ACSBG1: variants seen among roughly 807,000 people sequenced by gnomAD.
ACSBG1 encodes the protein acyl-CoA synthetase bubblegum family member 1, also known as long-chain-fatty-acid--CoA ligase ACSBG1.
In ACSBG1, 39 loss-of-function variants were observed where a neutral mutation model predicts 80.2. The ratio of observed to expected loss-of-function variants is 0.49; its 90% CI spans 0.38 to 0.64. ACSBG1 has a LOEUF of 0.64. Among genes scored for constraint, ACSBG1 ranks in the 30% least tolerant of loss-of-function variants. The pLI is 0.00. For synonymous variants in ACSBG1, 392 were observed against 379.5 expected (o/e 1.03, Z -0.38); for missense variants, 828 against 966.4 (o/e 0.86, Z 1.90).
At position 78,178,565 on chromosome 15, in the gene ACSBG1, G is replaced by A. The variant is rs779121025; in HGVS notation, c.1702+49C>T. ...AATCTGCCCGCCTTGGCCTCCCAAA[G>A]TGCTGGGATTACAGGCATGAGCCAC... On this transcript the variant is annotated intron_variant, in intron 11 of 13. Coordinates refer to ENST00000258873, the MANE Select transcript of ACSBG1 (RefSeq NM_015162.5). This position sits in a 1 kb window ranked among gnomAD's most constrained non-coding sequence, Gnocchi z 4.3. 6.4e-7 allele frequency: 1 copy of A among 1,554,110 alleles called. No homozygotes were observed. The highest frequency in any genetic ancestry group is 2.3e-5 in the East Asian group (1 of 44,292).
At chr15:78,217,529 C>T (rs2075321875) in intron 1 of ACSBG1, among the ~76,000 whole-genome samples, 1 of 152,038 alleles carries the variant, frequency 6.6e-6, no homozygotes, top group Non-Finnish European at 1.5e-5. Context: ...CTCTAAACCC[C>T]TGCATCCACC....
chr15:78,208,847 G>GCC (rs1213816581), intron 1 of ACSBG1, among the ~76,000 whole-genome samples: 7 of 152,204 alleles, frequency 4.6e-5, no homozygotes, highest in Non-Finnish European at 1.0e-4. Context: ...CAGCCTGACT[G>GCC]CCCTTCAGCA....
intron 1 of ACSBG1, among the ~76,000 whole-genome samples, chr15:78,208,728 G>C (rs1379523387): frequency 6.6e-6 from 1 of 152,194 alleles, no homozygotes; most frequent in Admixed American, 6.5e-5. Context: ...CTGAGGCCCA[G>C]GGCCTGACCC....
intron 1 of ACSBG1, among the ~76,000 whole-genome samples, chr15:78,227,145 G>T (rs567262446): frequency 6.7e-6 from 1 of 148,916 alleles, no homozygotes; most frequent in Admixed American, 6.8e-5. Flanking sequence ...CTTGAACCTG[G>T]GAGGCAGAGG....
chr15:78,197,562 T>C (rs1261807228), intron 2 of ACSBG1, among the ~76,000 whole-genome samples: 1 of 151,354 alleles, frequency 6.6e-6, no homozygotes, highest in Non-Finnish European at 1.5e-5. Context: ...CTACTAAAAA[T>C]ACAAAAATTT....
At chr15:78,205,576 A>C (rs1307639255) in intron 2 of ACSBG1, among the ~76,000 whole-genome samples, 1 of 152,130 alleles carries the variant, frequency 6.6e-6, no homozygotes, top group Non-Finnish European at 1.5e-5. Context: ...GAAAATCACT[A>C]ACCCTCTCTG....
In ACSBG1 at chr15:78,190,639, G is replaced by T. The variant is rs192672471; in HGVS notation, c.663+2867C>A. Among the ~76,000 whole-genome samples, 9 of 152,112 alleles carry T rather than the reference G, an allele frequency of 5.9e-5. No individual in the cohort carries two copies. In the East Asian group the frequency reaches 1.8e-3, roughly 30 times the overall value. ...AAGCAAGAGTAATAACAATGTTTGT[G>T]GGGTTTATAACCTCTATAGAAGTAA... On this transcript the variant is annotated intron_variant, in intron 5 of 13. Coordinates refer to ENST00000258873, the MANE Select transcript of ACSBG1 (RefSeq NM_015162.5).
chr15:78,171,736 G>A, intron 13 of ACSBG1: 1 of 495,204 alleles, frequency 2.0e-6, no homozygotes, highest in Non-Finnish European at 3.7e-6. Flanking sequence ...CACTGGTTGT[G>A]GCCAGTGGAG....
intron 2 of ACSBG1, among the ~76,000 whole-genome samples, chr15:78,198,538 G>A (rs1221441595): frequency 6.6e-6 from 1 of 151,322 alleles, no homozygotes; most frequent in Non-Finnish European, 1.5e-5. Flanking sequence ...AGTAGAGATG[G>A]CGTTTCGCCA....
chr15:78,183,623 T>G (rs564610174), intron 5 of ACSBG1, among the ~76,000 whole-genome samples: 1 of 152,248 alleles, frequency 6.6e-6, no homozygotes, highest in African/African-American at 2.4e-5. Flanking sequence ...GAATTCACTG[T>G]GTATAGGAAG....
At chr15:78,175,924 G>A (rs1219662816) in intron 11 of ACSBG1, among the ~76,000 whole-genome samples, 2 of 150,430 alleles carry the variant, frequency 1.3e-5, no homozygotes, top group East Asian at 1.9e-4. Flanking sequence ...TCCTCACTAC[G>A]GCCCTCTGCA....
Position 78,179,800 on chromosome 15 carries a change from G to A in ACSBG1, c.1254-20C>T. ...AGGTCGCTGGTGGGAGAGGGAGAAT[G>A]GTTCACAGAAGAAATCACACACACA... On this transcript the variant is annotated intron_variant, in intron 9 of 13. Coordinates refer to ENST00000258873, the MANE Select transcript of ACSBG1 (RefSeq NM_015162.5). The A allele has an allele frequency of 6.5e-7, 1 of 1,534,670 alleles. No individual in the cohort carries two copies. Among genetic ancestry groups the A allele is most frequent in the Non-Finnish European group, 9.0e-7 (1 of 1,114,060 alleles).
chr15:78,219,428 G>C (rs917129153), intron 1 of ACSBG1, among the ~76,000 whole-genome samples: 1 of 141,722 alleles, frequency 7.1e-6, no homozygotes, highest in Admixed American at 7.0e-5. Flanking sequence ...AAAAAAAAGT[G>C]AACTTGAAGA....
chr15:78,193,015 G>C (rs1025457496), intron 5 of ACSBG1, among the ~76,000 whole-genome samples: 1 of 152,124 alleles, frequency 6.6e-6, no homozygotes, highest in South Asian at 2.1e-4. Flanking sequence ...GCTGGCTCTA[G>C]AGGCACTCTG....
chr15:78,194,539 C>G lies in ACSBG1; in HGVS notation c.420G>C (p.Leu140=). ...AGCCCTTGGCGGCTCTGCGGGCGAG[C>G]AGGTAGTATTGGGAGTAGGAGATGT... ...WEHISYSQYY[L]LARRAAKGFL... is the part of the protein sequence containing the mutation. Residue 140 remains leucine (L), a synonymous_variant, in exon 3 of 14, where the codon CTG becomes CTC. Coordinates refer to ENST00000258873, the MANE Select transcript of ACSBG1 (RefSeq NM_015162.5). 1.2e-6 allele frequency: 2 copies of G among 1,614,222 alleles called. No individual in the cohort carries two copies. The highest frequency in any genetic ancestry group is 1.3e-5 in the African/African-American group (1 of 75,072).
rs370424267 is a variant in ACSBG1, at chr15:78,182,572, G to A, written c.788C>T (p.Ala263Val). 2.5e-6 allele frequency: 4 copies of A among 1,614,110 alleles called. No individual in the cohort carries two copies. Among genetic ancestry groups the A allele is most frequent in the Non-Finnish European group, 3.4e-6 (4 of 1,180,004 alleles). ...MELGNEVPEE[A>V]LDAIIDTQQP... is the part of the protein sequence containing the mutation. ...CTGGGTGTCAATGATGGCGTCCAGG[G>A]CTTCCTCAGGCACTTCATTCCCCAG... Residue 263 changes from alanine to valine, a missense_variant, in exon 7 of 14, where the codon GCC becomes GTC. Physicochemically the swap from Ala to Val is moderately conservative, Grantham distance 64. Around this residue, in one of 3 missense-constraint regions of ACSBG1, gnomAD observed 356 missense variants for 363.5 expected, o/e 0.98. Transcript: ENST00000258873.
intron 1 of ACSBG1, 99 bp downstream of exon 1, chr15:78,234,272 G>T: frequency 6.7e-7 from 1 of 1,488,596 alleles, no homozygotes; most frequent in Non-Finnish European, 9.0e-7. Flanking sequence ...AGAAACTGAG[G>T]CTCAGAGAGA....
At chr15:78,186,539 A>G (rs1354195299) in intron 5 of ACSBG1, among the ~76,000 whole-genome samples, 1 of 152,248 alleles carries the variant, frequency 6.6e-6, no homozygotes, top group Non-Finnish European at 1.5e-5. Flanking sequence ...CTGCTCAACT[A>G]CATGGAAACT....
Position 78,177,289 on chromosome 15 carries a change from G to A in ACSBG1, c.1702+1325C>T, listed in dbSNP as rs1475672081. 5.9e-5 allele frequency among the ~76,000 whole-genome samples: 9 copies of A among 152,300 alleles called. No homozygotes were observed. The highest frequency in any genetic ancestry group is 3.9e-4 in the East Asian group (2 of 5,188). ...ACTGGGTATTGGTGCACGGATAGGC[G>A]AATAGACCAAGGGAACAGAATAGAG... is the stretch of plus-strand genomic sequence containing the variant. On this transcript the variant is annotated intron_variant, in intron 11 of 13. Transcript: ENST00000258873. This position sits in a 1 kb window ranked among gnomAD's most constrained non-coding sequence, Gnocchi z 4.1.
Sources: allele counts gnomAD v4.1 joint callset (sites outside exome capture counted in the v4.1 genomes callset), GRCh38; gene constraint gnomAD v4.1.1; regional missense constraint gnomAD v4.1.1; non-coding constraint Gnocchi (gnomAD v3.1); transcripts MANE v1.5; gene names NCBI Gene and HGNC (gene_info 2026-07-23, HGNC 2026-07-21).